The following KCNH3 variants were observed in gnomAD, a reference collection of about 807,000 sequenced individuals.
The protein encoded by KCNH3 is voltage-gated inwardly rectifying potassium channel KCNH3.
KCNH3 carries 36 observed loss-of-function variants against 95.6 expected under a neutral mutation model. The observed-to-expected ratio is 0.38, with a 90% CI of 0.29 to 0.50. KCNH3 has a LOEUF of 0.50. KCNH3 is among the 20% of genes least tolerant of loss of function. The probability of loss-of-function intolerance (pLI) is 0.95; values close to 1 mark genes in which losing one functional copy is unlikely to be tolerated. For missense variants in KCNH3, 1,030 were observed against 1,484.1 expected, an observed-to-expected ratio of 0.69 and a Z score of 5.03; for synonymous variants, 620 against 646.3, an observed-to-expected ratio of 0.96 and a Z score of 0.62.
chr12:49,550,777 T>C (rs1466669371), intron 10 of KCNH3, among the ~76,000 whole-genome samples: 1 of 152,208 alleles, frequency 6.6e-6, no homozygotes, highest in Non-Finnish European at 1.5e-5. Context: ...AGAGCCCAGA[T>C]GGGTGACAGA....
chr12:49,540,660 T>C (rs1382176497), intron 1 of KCNH3, among the ~76,000 whole-genome samples: 1 of 152,230 alleles, frequency 6.6e-6, no homozygotes, highest in Non-Finnish European at 1.5e-5. Flanking sequence ...CGCACAGCGC[T>C]TCATTCACCG....
rs574111580 is a variant in KCNH3, at chr12:49,548,949, G to A, written c.1244G>A (p.Arg415Gln). ...GAGACTCCCTACTACCTGGTGGGCC[G>A]GAGGCCAGCTGGAGGGAACAGCTCC... ...RLETPYYLVG[R>Q]RPAGGNSSGQ... Residue 415 changes from arginine (R) to glutamine (Q), a missense_variant, in exon 8 of 15, where the codon CGG (arginine) becomes CAG (glutamine). By Grantham distance (43) the Arg-to-Gln change is conservative. This residue lies in a region of KCNH3 where 50 missense variants were observed against 41.0 expected (regional missense o/e 1.22). Coordinates refer to ENST00000257981, the MANE Select transcript of KCNH3 (RefSeq NM_012284.3). 72 of 1,605,028 alleles carry A rather than the reference G, an allele frequency of 4.5e-5. No homozygotes were observed. The East Asian group carries it at 1.5e-3, about 33-fold the overall frequency.
rs560755333 is a variant in KCNH3 at position 49,554,983 on chromosome 12, T to C, written c.2136+429T>C. Among the ~76,000 whole-genome samples, 96 of 152,226 alleles carry C rather than the reference T, an allele frequency of 6.3e-4. 1 individual carries two copies. The highest frequency in any genetic ancestry group is 2.3e-3 in the African/African-American group (94 of 41,524). On this transcript the variant is annotated intron_variant, in intron 11 of 14. Coordinates refer to ENST00000257981, the MANE Select transcript of KCNH3 (RefSeq NM_012284.3). ...TGAGGGGCTTTTGAATTTCCCTGGATTGTCACTAATTCCAAACCAATTTTT... is the reference window on the plus strand; with the variant it reads ...TGAGGGGCTTTTGAATTTCCCTGGACTGTCACTAATTCCAAACCAATTTTT...
chr12:49,557,786 C>T lies in KCNH3; in HGVS notation c.3085C>T (p.Pro1029Ser), dbSNP rs768454273. 4 of 1,606,532 alleles carry T rather than the reference C, an allele frequency of 2.5e-6. No homozygotes were observed. Among genetic ancestry groups the T allele is most frequent in the South Asian group, 1.1e-5 (1 of 90,856 alleles). The part of the protein sequence containing the change: ...PPSEEGARTG[P>S]AEPVSQAEAT... ...TTCTGAGGAAGGGGCTAGGACTGGG[C>T]CCGCAGAGCCTGTGAGCCAGGCTGA... Residue 1029 changes from proline to serine, a missense_variant, in exon 15 of 15, where the codon CCC becomes TCC. Around this residue, in one of 9 missense-constraint regions of KCNH3, gnomAD observed 464 missense variants for 493.2 expected, o/e 0.94. Transcript: ENST00000257981.
Position 49,558,087 on chromosome 12 carries a change from G to A in KCNH3, c.*134G>A. The stretch of plus-strand genomic sequence containing the variant: ...CTGGCTCAGGGCAGGGAGCCTGGAA[G>A]CAAAGGAGGACCTGGCTCCTGACTC... On this transcript the variant is annotated 3_prime_UTR_variant, in exon 15 of 15. Transcript: ENST00000257981. 1 of 1,030,522 alleles carries A rather than the reference G, an allele frequency of 9.7e-7. No individual in the cohort carries two copies. Among genetic ancestry groups the A allele is most frequent in the Non-Finnish European group, 1.3e-6 (1 of 765,162 alleles). 63.8% of individuals were successfully genotyped at this position (1,030,522 alleles called of 1,614,324 possible).
At position 49,539,116 on chromosome 12, in the gene KCNH3, ACGCGAGCCGCTGCCGCGG is replaced by A; in HGVS notation, c.-298_-281del. 1 of 152,622 alleles carries A rather than the reference ACGCGAGCCGCTGCCGCGG, an allele frequency of 6.6e-6. No homozygotes were observed. Among genetic ancestry groups the A allele is most frequent in the South Asian group, 2.1e-4 (1 of 4,832 alleles). 9.5% of individuals were successfully genotyped at this position (152,622 alleles called of 1,614,324 possible). On this transcript the variant is annotated 5_prime_UTR_variant, in exon 1 of 15. Transcript: ENST00000257981. The surrounding 1 kb of genome is among the most constrained non-coding windows in gnomAD (Gnocchi z 6.7). Reference sequence around the variant, plus strand: ...GAGCGGAAGCCCACCCGCAGCCGACACGCGAGCCGCTGCCGCGGCGGGAGGTGCTGAGAGCGCGGCGGC... The same window carrying A: ...GAGCGGAAGCCCACCCGCAGCCGACACGGGAGGTGCTGAGAGCGCGGCGGC...
intron 7 of KCNH3, among the ~76,000 whole-genome samples, chr12:49,548,095 CGTGTGTGTGT>C (rs369626063): frequency 0.067 from 9,848 of 146,696 alleles, 704 homozygotes; most frequent in African/African-American, 0.18. Context: ...CCTGTGACTA[CGTGTGTGTGT>C]GTGTGTGTGT....
Position 49,550,338 on chromosome 12 carries a change from G to A in KCNH3, c.1918+9G>A, listed in dbSNP as rs1258004877. ...CGTGCTCGCCATCCTAGGTTTGTGA[G>A]GGTGGGAGAGAGGGCGTGGGGGCAC... On this transcript the variant is annotated intron_variant, in intron 10 of 14. Transcript: ENST00000257981. 4 of 1,592,832 alleles carry A rather than the reference G, an allele frequency of 2.5e-6. No individual in the cohort carries two copies. Among genetic ancestry groups the A allele is most frequent in the Non-Finnish European group, 3.4e-6 (4 of 1,169,426 alleles).
intron 9 of KCNH3, 37 bp from the exon 10 acceptor site, chr12:49,550,043 T>TTGGCCCCCC: frequency 7.7e-7 from 1 of 1,299,542 alleles, no homozygotes. Context: ...CTTCTGCCAC[T>TTGGCCCCCC]CCCAACCCCC....
intron 4 of KCNH3, 121 bp downstream of exon 4, chr12:49,542,960 G>A: frequency 6.0e-6 from 8 of 1,327,640 alleles, no homozygotes; most frequent in Non-Finnish European, 8.1e-6. Flanking sequence ...CCAGCACTTT[G>A]GGGGTTGGGA....
intron 10 of KCNH3, among the ~76,000 whole-genome samples, chr12:49,552,814 AAGAG>A (rs770140577): frequency 6.6e-6 from 1 of 152,220 alleles, no homozygotes; most frequent in Non-Finnish European, 1.5e-5. Flanking sequence ...CGCCAATGAA[AAGAG>A]AGCACATTCC....
rs574113364 is a variant in KCNH3 at position 49,541,774 on chromosome 12, T to C, written c.445+10T>C. ...AGATGGAAGGAGACAGGTAGGTGCA[T>C]GTAGGTGCTGTGGTCGGGGTATTGG... is the stretch of plus-strand genomic sequence containing the variant. On this transcript the variant is annotated intron_variant, in intron 3 of 14. Transcript: ENST00000257981. The C allele has an allele frequency of 2.8e-4, 458 of 1,613,822 alleles. 7 individuals carry two copies. The South Asian group carries it at 4.8e-3, about 17-fold the overall frequency.
rs751821211 is a variant in KCNH3, at chr12:49,544,139, C to CCTCT, written c.982-33_982-32insTCTC. The CCTCT allele has an allele frequency of 2.7e-5, 37 of 1,395,692 alleles. No individual in the cohort carries two copies. In the African/African-American group the frequency reaches 7.9e-4, roughly 30 times the overall value. 86.5% of individuals were successfully genotyped at this position (1,395,692 alleles called of 1,614,324 possible). On this transcript the variant is annotated intron_variant, in intron 6 of 14. Transcript: ENST00000257981. Reference sequence around the variant, plus strand: ...GGGACAGGCAGGGCCGGCCCGCTGACCTCCCTCCCTCCCTCCCTCCCTCCC... The same window carrying CCTCT: ...GGGACAGGCAGGGCCGGCCCGCTGACCTCTCTCCCTCCCTCCCTCCCTCCCTCCC...
chr12:49,543,163 C>T, intron 4 of KCNH3, 112 bp from the exon 5 acceptor site: 1 of 1,205,424 alleles, frequency 8.3e-7, no homozygotes, highest in Non-Finnish European at 1.2e-6. Flanking sequence ...GCAGATGCTG[C>T]TTCGATAATG....
At chr12:49,556,018 C>A in intron 12 of KCNH3, 67 bp downstream of exon 12, 1 of 778,426 alleles carries the variant, frequency 1.3e-6, no homozygotes, top group Non-Finnish European at 2.1e-6. Flanking sequence ...GGCAGGCGCA[C>A]CCTGCCCTAG....
At chr12:49,543,162 G>A in intron 4 of KCNH3, 113 bp from the exon 5 acceptor site, 2 of 1,190,740 alleles carry the variant, frequency 1.7e-6, no homozygotes, top group Non-Finnish European at 2.3e-6. Context: ...AGCAGATGCT[G>A]CTTCGATAAT....
In KCNH3 at chr12:49,541,114, A is replaced by T. The variant is rs1937855758; in HGVS notation, c.292A>T (p.Ile98Phe). The change falls in exon 2 of 15, where the codon ATC (isoleucine) becomes TTC (phenylalanine). Residue 98 changes from isoleucine (I) to phenylalanine (F), a missense_variant. By Grantham distance (21) the Ile-to-Phe change is conservative. Around this residue, in one of 9 missense-constraint regions of KCNH3, gnomAD observed 63 missense variants for 107.7 expected, o/e 0.59. Transcript: ENST00000257981. ...DEHKEFKAEL[I>F]LYRKSGLPFW... The stretch of plus-strand genomic sequence containing the variant: ...GCACAAGGAGTTCAAGGCTGAGCTG[A>T]TCCTGTACCGGAAGAGCGGTGAGGG... The T allele has an allele frequency of 6.2e-7, 1 of 1,605,692 alleles. No individual in the cohort carries two copies. The highest frequency in any genetic ancestry group is 1.7e-5 in the Admixed American group (1 of 60,002).
rs1344413655 is a variant in KCNH3 at position 49,557,865 on chromosome 12, G to A, written c.3164G>A (p.Trp1055Ter). 1 of 1,580,838 alleles carries A rather than the reference G, an allele frequency of 6.3e-7. No homozygotes were observed. The highest frequency in any genetic ancestry group is 1.1e-5 in the South Asian group (1 of 87,990). ...GGGTCAGGGGGCCTGGCCTTGCCCTGGGACCCCCACAGCCTGGAGATGGTG... is the reference window on the plus strand; with the variant it reads ...GGGTCAGGGGGCCTGGCCTTGCCCTAGGACCCCCACAGCCTGGAGATGGTG... ...PPGSGGLALPWDPHSLEMVLI... is the reference protein window; with the variant it reads ...PPGSGGLALP Residue 1055 changes from tryptophan to a stop codon, truncating the protein, a stop_gained, in exon 15 of 15, where the codon TGG becomes TAG. Coordinates refer to ENST00000257981, the MANE Select transcript of KCNH3 (RefSeq NM_012284.3). LOFTEE classifies it high-confidence loss of function.
At chr12:49,549,375 G>A in intron 8 of KCNH3, 66 bp from the exon 9 acceptor site, 1 of 1,565,728 alleles carries the variant, frequency 6.4e-7, no homozygotes, top group South Asian at 1.1e-5. Flanking sequence ...GAGGACAGAT[G>A]AGCCCAGCGT....
Sources: allele counts gnomAD v4.1 joint callset (sites outside exome capture counted in the v4.1 genomes callset), GRCh38; gene constraint gnomAD v4.1.1; regional missense constraint gnomAD v4.1.1; non-coding constraint Gnocchi (gnomAD v3.1); transcripts MANE v1.5; gene names NCBI Gene and HGNC (gene_info 2026-07-23, HGNC 2026-07-21).